Variants in TRIM2 observed in about 807,000 individuals in gnomAD.
TRIM2 encodes the protein tripartite motif-containing protein 2.
In TRIM2, 20 loss-of-function variants were observed where a neutral mutation model predicts 75.2. The observed-to-expected ratio is 0.27, with a 90% CI of 0.19 to 0.39. TRIM2 has a LOEUF of 0.39. Ranked by LOEUF, TRIM2 falls within the 10% of genes least tolerant of loss-of-function variation. TRIM2 has a pLI of 1.00. For synonymous variants in TRIM2, 373 were observed against 388.3 expected (o/e 0.96, Z 0.46); for missense variants, 660 against 990.8 (o/e 0.67, Z 4.48).
intron 1 of TRIM2, among the ~76,000 whole-genome samples, chr4:153,260,702 A>T (rs985138631): frequency 5.1e-5 from 1 of 19,738 alleles, no homozygotes; most frequent in Non-Finnish European, 1.4e-4. Flanking sequence ...CCCCCCCCCC[A>T]CACACACACA....
At chr4:153,196,270 C>G (rs377300927) in intron 1 of TRIM2, among the ~76,000 whole-genome samples, 2 of 148,742 alleles carry the variant, frequency 1.3e-5, no homozygotes, top group African/African-American at 5.0e-5. Flanking sequence ...ACCACCCCCC[C>G]CCACACACAC....
chr4:153,213,168 T>G (rs1218792284), intron 1 of TRIM2, among the ~76,000 whole-genome samples: 1 of 152,174 alleles, frequency 6.6e-6, no homozygotes, highest in East Asian at 1.9e-4. Flanking sequence ...CATTTTCAGG[T>G]GAGGAAACTG....
At position 153,315,864 on chromosome 4, in the gene TRIM2, T is replaced by C. The variant is rs754671909; in HGVS notation, c.1647T>C (p.Arg549=). The change falls in exon 8 of 12, where the codon CGT becomes CGC. Residue 549 remains arginine (R), a synonymous_variant. Coordinates refer to ENST00000338700, the MANE Select transcript of TRIM2 (RefSeq NM_015271.5). ...CCAATGATGGCCAGTTCAAAAGTCG[T>C]TTTGGCATACGGGGACGCTCTCCGG... ...IFSNDGQFKS[R]FGIRGRSPGQ... 1 of 1,614,024 alleles carries C rather than the reference T, an allele frequency of 6.2e-7. No homozygotes were observed. Among genetic ancestry groups the C allele is most frequent in the African/African-American group, 1.3e-5 (1 of 74,914 alleles).
At chr4:153,160,697 C>T (rs1054011667) in intron 1 of TRIM2, among the ~76,000 whole-genome samples, 2 of 152,170 alleles carry the variant, frequency 1.3e-5, no homozygotes, top group African/African-American at 2.4e-5. Flanking sequence ...CAGGCTCAAG[C>T]GATCCTTATA....
At chr4:153,195,936 A>G (rs541349914) in intron 1 of TRIM2, among the ~76,000 whole-genome samples, 4 of 152,264 alleles carry the variant, frequency 2.6e-5, no homozygotes, top group African/African-American at 7.2e-5. Context: ...CTGTCTCCCA[A>G]GTAGCAGGGA....
intron 1 of TRIM2, among the ~76,000 whole-genome samples, chr4:153,186,531 G>T (rs1379474629): frequency 6.6e-6 from 1 of 152,208 alleles, no homozygotes; most frequent in Non-Finnish European, 1.5e-5. Flanking sequence ...TCGTTCTAGT[G>T]CTTTGTCTCT....
In TRIM2 at chr4:153,315,963, A is replaced by G. The variant is rs759415596; in HGVS notation, c.1746A>G (p.Lys582=). The change falls in exon 8 of 12, where the codon AAA becomes AAG. Residue 582 remains lysine, a synonymous_variant. Coordinates refer to ENST00000338700, the MANE Select transcript of TRIM2 (RefSeq NM_015271.5). ...GDIIIADYDN[K]WVSIFSSDGK... ...TAATCATTGCCGATTATGATAATAA[A>G]TGGGTCAGCATTTTCTCCTCCGATG... The G allele has an allele frequency of 1.3e-6, 2 of 1,591,010 alleles. No homozygotes were observed. The highest frequency in any genetic ancestry group is 1.7e-6 in the Non-Finnish European group (2 of 1,169,942).
At chr4:153,202,317 A>C (rs1734447266), upstream of TRIM2, among the ~76,000 whole-genome samples, 1 of 152,246 alleles carries the variant, frequency 6.6e-6, no homozygotes, top group African/African-American at 2.4e-5. Context: ...TACTTTTCAC[A>C]GTTTGTATGC....
chr4:153,205,039 A>G (rs1735016451), intron 1 of TRIM2, among the ~76,000 whole-genome samples: 1 of 152,216 alleles, frequency 6.6e-6, no homozygotes, highest in Admixed American at 6.5e-5. Flanking sequence ...AAATAGGTCT[A>G]TTCAGAAATG....
At chr4:153,199,940 A>ACTT (rs1553961818), upstream of TRIM2, among the ~76,000 whole-genome samples, 1 of 122,190 alleles carries the variant, frequency 8.2e-6, no homozygotes, top group Admixed American at 8.9e-5. Flanking sequence ...TGGCCAGCTA[A>ACTT]TTTTTTTTTT....
At chr4:153,159,087 G>A (rs1729498851) in intron 1 of TRIM2, among the ~76,000 whole-genome samples, 1 of 152,130 alleles carries the variant, frequency 6.6e-6, no homozygotes, top group African/African-American at 2.4e-5. Context: ...AAAGTGTCCG[G>A]CACTGTTCAT....
chr4:153,287,742 T>C (rs143581471), intron 3 of TRIM2, among the ~76,000 whole-genome samples: 2 of 152,390 alleles, frequency 1.3e-5, no homozygotes, highest in African/African-American at 2.4e-5. Context: ...CTCAGCTACA[T>C]AGGTTTGTAA....
chr4:153,155,690 A>G (rs534855426), intron 1 of TRIM2, among the ~76,000 whole-genome samples: 2 of 152,352 alleles, frequency 1.3e-5, no homozygotes, highest in African/African-American at 2.4e-5. Flanking sequence ...CAGCCCAGCC[A>G]TTCTTTACCC....
intron 1 of TRIM2, among the ~76,000 whole-genome samples, chr4:153,252,614 A>G (rs962209863): frequency 6.6e-6 from 1 of 152,054 alleles, no homozygotes; most frequent in African/African-American, 2.4e-5. Flanking sequence ...CAGGTTCAAG[A>G]TTCTCCTGCC....
At chr4:153,201,834 G>A (rs886246596), upstream of TRIM2, among the ~76,000 whole-genome samples, 2 of 152,148 alleles carry the variant, frequency 1.3e-5, no homozygotes, top group African/African-American at 2.4e-5. Context: ...TATGTCACGG[G>A]CGTGTCCTCA....
chr4:153,273,431 A>G (rs1427890457), intron 2 of TRIM2, among the ~76,000 whole-genome samples: 4 of 129,458 alleles, frequency 3.1e-5, no homozygotes, highest in Non-Finnish European at 6.4e-5. Flanking sequence ...GCCCGCCACC[A>G]CGCCCGGCTA....
chr4:153,172,336 C>A (rs1031758006), intron 1 of TRIM2, among the ~76,000 whole-genome samples: 8 of 152,030 alleles, frequency 5.3e-5, no homozygotes, highest in Admixed American at 1.3e-4. Flanking sequence ...TACAGGCGCC[C>A]GCCACCGCGC....
chr4:153,337,912 C>T lies in TRIM2; in HGVS notation c.*2946C>T, dbSNP rs546637829. ...TCCCAGTACAGACCCCCCAGCCCCC[C>T]TTGCTGGACATGGGGAGGCAGAGAG... On this transcript the variant is annotated 3_prime_UTR_variant, in exon 12 of 12. Transcript: ENST00000338700. 6 of 985,834 alleles carry T rather than the reference C, an allele frequency of 6.1e-6. No individual in the cohort carries two copies. The highest frequency in any genetic ancestry group is 7.2e-6 in the Non-Finnish European group (6 of 829,922). The allele number at this position is 985,834 out of a possible 1,614,324, so 61.1% of individuals were successfully genotyped here. A position where few individuals can be genotyped will look rare whatever the true frequency, so the allele number is the denominator to read the frequency against.
At chr4:153,197,746 G>A (rs1003793577) in intron 1 of TRIM2, among the ~76,000 whole-genome samples, 13 of 152,228 alleles carry the variant, frequency 8.5e-5, no homozygotes, top group African/African-American at 1.2e-4. Flanking sequence ...GGTGACGGGC[G>A]CCTGTAATCC....
Sources: allele counts gnomAD v4.1 joint callset (sites outside exome capture counted in the v4.1 genomes callset), GRCh38; gene constraint gnomAD v4.1.1; transcripts MANE v1.5; gene names NCBI Gene and HGNC (gene_info 2026-07-23, HGNC 2026-07-21).